SKIC2: variants seen among roughly 807,000 people sequenced by gnomAD.
SKIC2 encodes the protein SKI2 subunit of superkiller complex.
chr6:31,967,370 T>C, the SKIC2 span: 1 of 1,610,464 alleles, frequency 6.2e-7, no homozygotes, highest in South Asian at 1.1e-5. The surrounding 1 kb of genome is among the most constrained non-coding windows in gnomAD (Gnocchi z 4.9). Context: ...TTGGGAGTGA[T>C]CCTACAGGTG....
chr6:31,968,932 C>G, the SKIC2 span: 1 of 1,612,980 alleles, frequency 6.2e-7, no homozygotes, highest in Non-Finnish European at 8.5e-7. The surrounding 1 kb of genome is among the most constrained non-coding windows in gnomAD (Gnocchi z 6.1). Context: ...GGGCGGGTGG[C>G]TTGTGCCATG....
chr6:31,968,022 T>C, the SKIC2 span: 3 of 1,612,874 alleles, frequency 1.9e-6, no homozygotes, highest in Non-Finnish European at 1.7e-6. This position sits in a 1 kb window ranked among gnomAD's most constrained non-coding sequence, Gnocchi z 6.1. Flanking sequence ...ACCAAGGTGC[T>C]CCGGGTGAAT....
At chr6:31,963,901 T>C in the SKIC2 span, 2 of 1,606,274 alleles carry the variant, frequency 1.2e-6, no homozygotes, top group Non-Finnish European at 1.7e-6. The surrounding 1 kb of genome is among the most constrained non-coding windows in gnomAD (Gnocchi z 5.3). Flanking sequence ...CCCCTTCCCC[T>C]TCCTTCTCCA....
the SKIC2 span, chr6:31,966,103 T>A: frequency 1.7e-5 from 9 of 537,558 alleles, no homozygotes; most frequent in Middle Eastern, 6.6e-4. The surrounding 1 kb of genome is among the most constrained non-coding windows in gnomAD (Gnocchi z 5.9). Flanking sequence ...TTCTTCTTCC[T>A]TTTTTTTTTG....
chr6:31,968,175 AC>A, the SKIC2 span: 2 of 1,550,476 alleles, frequency 1.3e-6, no homozygotes, highest in African/African-American at 2.7e-5. This position sits in a 1 kb window ranked among gnomAD's most constrained non-coding sequence, Gnocchi z 6.1. Context: ...CCTGAGGGAG[AC>A]CATGAAGTGG....
At chr6:31,967,064 A>G in the SKIC2 span, 139 of 1,613,024 alleles carry the variant, frequency 8.6e-5, 1 homozygote, top group Middle Eastern at 1.2e-3. This position sits in a 1 kb window ranked among gnomAD's most constrained non-coding sequence, Gnocchi z 4.9. Context: ...GGAGCCTGAC[A>G]TGACTGGCCA....
At chr6:31,962,739 G>A in the SKIC2 span, 4 of 1,612,970 alleles carry the variant, frequency 2.5e-6, no homozygotes, top group Admixed American at 1.7e-5. The surrounding 1 kb of genome is among the most constrained non-coding windows in gnomAD (Gnocchi z 5.0). Context: ...TGGCTCAGAT[G>A]TTATTCGGGA....
At chr6:31,962,579 T>C in the SKIC2 span, 1 of 1,612,906 alleles carries the variant, frequency 6.2e-7, no homozygotes, top group Non-Finnish European at 8.5e-7. The surrounding 1 kb of genome is among the most constrained non-coding windows in gnomAD (Gnocchi z 5.0). Context: ...ACCACAGAGA[T>C]CCTTCGGTGA....
the SKIC2 span, chr6:31,967,478 T>A: frequency 1.1e-6 from 1 of 918,878 alleles, no homozygotes; most frequent in Non-Finnish European, 1.7e-6. This position sits in a 1 kb window ranked among gnomAD's most constrained non-coding sequence, Gnocchi z 4.9. Context: ...CATAGGGCCC[T>A]CATTTTCCCC....
chr6:31,967,908 G>C, the SKIC2 span: 1 of 1,612,974 alleles, frequency 6.2e-7, no homozygotes, highest in Non-Finnish European at 8.5e-7. This position sits in a 1 kb window ranked among gnomAD's most constrained non-coding sequence, Gnocchi z 4.9. Context: ...GTATAAGCAG[G>C]ATGCCTGGGT....
At chr6:31,963,557 A>G in the SKIC2 span, 47 of 1,571,442 alleles carry the variant, frequency 3.0e-5, no homozygotes, top group Middle Eastern at 6.8e-4. The surrounding 1 kb of genome is among the most constrained non-coding windows in gnomAD (Gnocchi z 5.3). Flanking sequence ...TCCATACAAA[A>G]GGGTAAGCCT....
chr6:31,967,197 T>A, the SKIC2 span: 1 of 1,608,108 alleles, frequency 6.2e-7, no homozygotes, highest in East Asian at 2.2e-5. The surrounding 1 kb of genome is among the most constrained non-coding windows in gnomAD (Gnocchi z 4.9). Flanking sequence ...AAGATCGTGT[T>A]ACTCTAGGTG....
chr6:31,961,358 C>G, the SKIC2 span: 3 of 1,565,922 alleles, frequency 1.9e-6, no homozygotes, highest in African/African-American at 2.8e-5. Flanking sequence ...CTGGCCCGAG[C>G]AAGCAGCTTG....
At chr6:31,966,896 C>T in the SKIC2 span, 1 of 1,613,588 alleles carries the variant, frequency 6.2e-7, no homozygotes, top group Non-Finnish European at 8.5e-7. The surrounding 1 kb of genome is among the most constrained non-coding windows in gnomAD (Gnocchi z 5.9). Context: ...TGGCCAAAGA[C>T]AGGCTGGGAA....
chr6:31,968,987 A>C, the SKIC2 span: 2 of 1,612,900 alleles, frequency 1.2e-6, no homozygotes, highest in South Asian at 1.1e-5. The surrounding 1 kb of genome is among the most constrained non-coding windows in gnomAD (Gnocchi z 6.1). Context: ...TTGACAATGC[A>C]CTGAGCACCC....
the SKIC2 span, chr6:31,965,999 C>A: frequency 6.3e-7 from 1 of 1,596,618 alleles, no homozygotes; most frequent in South Asian, 1.1e-5. This position sits in a 1 kb window ranked among gnomAD's most constrained non-coding sequence, Gnocchi z 5.6. Flanking sequence ...GGCAGACCTG[C>A]ACCGCATGAT....
the SKIC2 span, chr6:31,968,984 T>G: frequency 6.2e-7 from 1 of 1,612,918 alleles, no homozygotes; most frequent in Non-Finnish European, 8.5e-7. The surrounding 1 kb of genome is among the most constrained non-coding windows in gnomAD (Gnocchi z 6.1). Flanking sequence ...TGTTTGACAA[T>G]GCACTGAGCA....
the SKIC2 span, chr6:31,968,165 C>G: frequency 6.4e-7 from 1 of 1,567,662 alleles, no homozygotes; most frequent in African/African-American, 1.4e-5. The surrounding 1 kb of genome is among the most constrained non-coding windows in gnomAD (Gnocchi z 6.1). Flanking sequence ...TTTCCTCCAG[C>G]CTGAGGGAGA....
chr6:31,964,877 T>C, the SKIC2 span, among the ~76,000 whole-genome samples: 1 of 152,300 alleles, frequency 6.6e-6, no homozygotes, highest in Admixed American at 6.5e-5. This position sits in a 1 kb window ranked among gnomAD's most constrained non-coding sequence, Gnocchi z 5.0. Context: ...CCCAGCACTT[T>C]GGGAGGCTGA....
Sources: gnomAD v4.1 joint callset for allele counts (sites outside exome capture counted in the v4.1 genomes callset) on GRCh38, gnomAD v4.1.1 for gene constraint, Gnocchi (gnomAD v3.1) non-coding constraint, MANE v1.5 for transcripts, NCBI Gene and HGNC (gene_info 2026-07-23, HGNC 2026-07-21) for gene names.